LSAMP: variants seen among roughly 807,000 people sequenced by gnomAD.
LSAMP encodes the protein limbic system-associated membrane protein.
In LSAMP, 7 loss-of-function variants were observed where a neutral mutation model predicts 38.6. The ratio of observed to expected loss-of-function variants is 0.18; its 90% CI spans 0.10 to 0.34. The LOEUF is 0.34. Among genes scored for constraint, LSAMP ranks in the 10% least tolerant of loss-of-function variants. The probability of loss-of-function intolerance (pLI) is 1.00; values close to 1 mark genes in which losing one functional copy is unlikely to be tolerated. For missense variants in LSAMP, 313 were observed against 420.0 expected (o/e 0.75, Z 2.23); for synonymous variants, 154 against 166.8 (o/e 0.92, Z 0.59).
At chr3:115,968,719 C>T (rs1938909895) in intron 3 of LSAMP, among the ~76,000 whole-genome samples, 1 of 152,202 alleles carries the variant, frequency 6.6e-6, no homozygotes, top group African/African-American at 2.4e-5. Flanking sequence ...CACTAGGTCT[C>T]TTGTCTTCCA....
chr3:116,258,554 A>G (rs2046785902), intron 1 of LSAMP, among the ~76,000 whole-genome samples: 1 of 152,148 alleles, frequency 6.6e-6, no homozygotes, highest in African/African-American at 2.4e-5. Flanking sequence ...ATAATATTTT[A>G]AAAAGATGAT....
intron 1 of LSAMP, among the ~76,000 whole-genome samples, chr3:116,212,783 A>G (rs911409739): frequency 1.3e-5 from 2 of 152,156 alleles, no homozygotes; most frequent in Non-Finnish European, 1.5e-5. Context: ...GGTTACTTTC[A>G]TATGTACATA....
intron 1 of LSAMP, among the ~76,000 whole-genome samples, chr3:116,305,513 A>C (rs2047469548): frequency 6.6e-6 from 1 of 151,696 alleles, no homozygotes; most frequent in South Asian, 2.1e-4. Flanking sequence ...ATCTCCTTCA[A>C]ATACTTTAAA....
intron 1 of LSAMP, among the ~76,000 whole-genome samples, chr3:116,203,900 C>T (rs535197062): frequency 1.3e-5 from 2 of 152,250 alleles, no homozygotes; most frequent in East Asian, 3.9e-4. Context: ...ATTTAGACTC[C>T]CTTGGGTATA....
intron 1 of LSAMP, among the ~76,000 whole-genome samples, chr3:116,362,728 C>A (rs138093332): frequency 9.2e-6 from 1 of 108,710 alleles, no homozygotes; most frequent in African/African-American, 5.4e-5. Flanking sequence ...GCTCAACTAC[C>A]TGGAAACTGA....
intron 2 of LSAMP, among the ~76,000 whole-genome samples, chr3:116,054,348 C>T (rs1294338802): frequency 1.3e-5 from 2 of 152,134 alleles, no homozygotes; most frequent in Non-Finnish European, 1.5e-5. Context: ...CTGTGGAGCC[C>T]TTTTTGCCTT....
chr3:116,201,204 G>A (rs1314062547), intron 1 of LSAMP, among the ~76,000 whole-genome samples: 1 of 152,080 alleles, frequency 6.6e-6, no homozygotes, highest in Non-Finnish European at 1.5e-5. Flanking sequence ...CTCCTAGCAT[G>A]TGCCCATGTG....
intron 3 of LSAMP, among the ~76,000 whole-genome samples, chr3:115,857,921 G>T (rs1048942629): frequency 6.6e-6 from 1 of 152,194 alleles, no homozygotes; most frequent in Non-Finnish European, 1.5e-5. Context: ...TCCAATTAAA[G>T]CATGCCAGGT....
intron 1 of LSAMP, among the ~76,000 whole-genome samples, chr3:116,163,663 C>A (rs1200769559): frequency 6.6e-6 from 1 of 151,992 alleles, no homozygotes; most frequent in Non-Finnish European, 1.5e-5. Flanking sequence ...CTGAATTCCA[C>A]GATGGTTGAA....
chr3:115,930,302 A>G (rs1937561480), intron 3 of LSAMP, among the ~76,000 whole-genome samples: 1 of 152,138 alleles, frequency 6.6e-6, no homozygotes, highest in African/African-American at 2.4e-5. Flanking sequence ...AGAAAATAAT[A>G]AACACCCAAT....
At chr3:116,045,736 A>C (rs1463576538) in intron 2 of LSAMP, among the ~76,000 whole-genome samples, 3 of 152,202 alleles carry the variant, frequency 2.0e-5, no homozygotes, top group Non-Finnish European at 4.4e-5. Flanking sequence ...TTTATTGAGC[A>C]TATACTATAT....
chr3:115,819,089 G>T (rs1270501099), intron 6 of LSAMP, among the ~76,000 whole-genome samples: 1 of 151,560 alleles, frequency 6.6e-6, no homozygotes, highest in Non-Finnish European at 1.5e-5. Flanking sequence ...GGCGGAGGTT[G>T]CAGTGAGCCG....
intron 1 of LSAMP, among the ~76,000 whole-genome samples, chr3:116,099,146 G>C (rs1420704336): frequency 6.6e-6 from 1 of 152,230 alleles, no homozygotes; most frequent in African/African-American, 2.4e-5. Flanking sequence ...CTGAATTAAA[G>C]AGACAGCTGC....
intron 2 of LSAMP, among the ~76,000 whole-genome samples, chr3:116,060,034 C>T (rs776100943): frequency 2.0e-5 from 3 of 152,146 alleles, no homozygotes; most frequent in African/African-American, 4.8e-5. Context: ...TAATTGCTTG[C>T]TATGGGGGAT....
At chr3:115,833,742 C>T (rs1934694345) in intron 6 of LSAMP, among the ~76,000 whole-genome samples, 1 of 150,972 alleles carries the variant, frequency 6.6e-6, no homozygotes, top group Non-Finnish European at 1.5e-5. Flanking sequence ...CCAGGTCCCG[C>T]ATGGCCTAGT....
intron 1 of LSAMP, among the ~76,000 whole-genome samples, chr3:116,212,986 A>AT (rs1229811238): frequency 6.6e-6 from 1 of 152,186 alleles, no homozygotes; most frequent in Non-Finnish European, 1.5e-5. Flanking sequence ...GTAATGTAAG[A>AT]TTTTGCAATG....
At chr3:115,829,203 G>T (rs895098488) in intron 6 of LSAMP, among the ~76,000 whole-genome samples, 21 of 152,100 alleles carry the variant, frequency 1.4e-4, no homozygotes, top group Non-Finnish European at 2.5e-4. Context: ...GTAAAGAGGT[G>T]GGGGAGATAA....
At position 115,841,987 on chromosome 3, in the gene LSAMP, A is replaced by G. The variant is rs1356735857; in HGVS notation, c.777T>C (p.Asn259=). The change falls in exon 6 of 7, where the codon AAT becomes AAC. Residue 259 remains asparagine (N), a synonymous_variant. Transcript: ENST00000490035. ...TCTTAATCTCAAGGCCATTGGCACTATTTATCCTAAGAGTTCAAAAACAGA... is the reference window on the plus strand; with the variant it reads ...TCTTAATCTCAAGGCCATTGGCACTGTTTATCCTAAGAGTTCAAAAACAGA... ...FEWYRDDTRI[N]SANGLEIKST... The G allele has an allele frequency of 1.2e-6, 2 of 1,610,566 alleles. No homozygotes were observed. The highest frequency in any genetic ancestry group is 1.7e-6 in the Non-Finnish European group (2 of 1,179,258).
chr3:116,056,366 T>C lies in LSAMP; in HGVS notation c.388+29958A>G, dbSNP rs1464897481. On this transcript the variant is annotated intron_variant, in intron 2 of 6. Coordinates refer to ENST00000490035, the MANE Select transcript of LSAMP (RefSeq NM_002338.5). ...GTCCATTCTCTTCTGTGATCAAATA[T>C]AAATGTTGAACTAGTCTGGGCTAAA... is the stretch of plus-strand genomic sequence containing the variant. Among the ~76,000 whole-genome samples, 4 of 152,258 alleles carry C rather than the reference T, an allele frequency of 2.6e-5. No homozygotes were observed. In the East Asian group the frequency reaches 5.8e-4, roughly 22 times the overall value.
Sources: allele counts gnomAD v4.1 joint callset (sites outside exome capture counted in the v4.1 genomes callset), GRCh38; gene constraint gnomAD v4.1.1; transcripts MANE v1.5; gene names NCBI Gene and HGNC (gene_info 2026-07-23, HGNC 2026-07-21).